RIMS2: variants seen among roughly 807,000 people sequenced by gnomAD.
The protein encoded by RIMS2 is regulating synaptic membrane exocytosis protein 2.
In RIMS2, 59 loss-of-function variants were observed where a neutral mutation model predicts 174.4. The observed-to-expected ratio is 0.34, with a 90% confidence interval of 0.27 to 0.42. The LOEUF is 0.42. Ranked by LOEUF, RIMS2 falls within the 10% of genes least tolerant of loss-of-function variation. The pLI is 1.00. For missense variants in RIMS2, 1,620 were observed against 1,666.3 expected (o/e 0.97, Z 0.48); for synonymous variants, 606 against 572.5 (o/e 1.06, Z -0.84).
At chr8:103,584,786 C>T (rs759050918) in intron 1 of RIMS2, among the ~76,000 whole-genome samples, 1 of 152,052 alleles carries the variant, frequency 6.6e-6, no homozygotes, top group African/African-American at 2.4e-5. Context: ...AGAAAATCAA[C>T]TTCACTGGAG....
intron 3 of RIMS2, among the ~76,000 whole-genome samples, chr8:103,864,087 T>A (rs569613916): frequency 1.1e-4 from 16 of 152,226 alleles, no homozygotes; most frequent in African/African-American, 3.6e-4. Flanking sequence ...TTTTGTGTTT[T>A]TAGTAAGGAT....
At position 103,774,722 on chromosome 8, in the gene RIMS2, T is replaced by C. The variant is rs77522701; in HGVS notation, c.698+8185T>C. On this transcript the variant is annotated intron_variant, in intron 3 of 23. Transcript: ENST00000504942. ...TATTTATATGAAGGTCAAGAAGAGA[T>C]AAAACAAATCTATAGAAAAGAAATC... 3.3e-5 allele frequency among the ~76,000 whole-genome samples: 5 copies of C among 152,258 alleles called. No individual in the cohort carries two copies. In the South Asian group the frequency reaches 8.3e-4, roughly 25 times the overall value.
intron 19 of RIMS2, among the ~76,000 whole-genome samples, chr8:104,131,670 A>G (rs1261838887): frequency 2.0e-5 from 3 of 151,974 alleles, no homozygotes; most frequent in African/African-American, 4.8e-5. Flanking sequence ...GCTAAAAACA[A>G]TATTTTAAAT....
At chr8:103,976,685 T>A (rs1287592255) in intron 16 of RIMS2, 1 of 152,146 alleles carries the variant, frequency 6.6e-6, no homozygotes, top group Non-Finnish European at 1.5e-5. Flanking sequence ...GTAGCTGGGA[T>A]TACAAGCGCA....
chr8:104,113,357 TTA>T (rs1343727564), intron 19 of RIMS2, among the ~76,000 whole-genome samples: 1 of 152,172 alleles, frequency 6.6e-6, no homozygotes, highest in Non-Finnish European at 1.5e-5. Context: ...GCCCTCTACC[TTA>T]TGAGGCAGTT....
intron 2 of RIMS2, among the ~76,000 whole-genome samples, chr8:103,711,164 G>T (rs1044017489): frequency 1.3e-5 from 2 of 152,108 alleles, no homozygotes; most frequent in African/African-American, 2.4e-5. Flanking sequence ...CAAAAGAAAG[G>T]TACATTCCTC....
At chr8:103,893,722 C>A (rs2154522201) in intron 4 of RIMS2, among the ~76,000 whole-genome samples, 1 of 152,078 alleles carries the variant, frequency 6.6e-6, no homozygotes, top group South Asian at 2.1e-4. Context: ...ACAGCCAACC[C>A]AGTCATTTAT....
chr8:104,159,687 G>A (rs2098749008), intron 19 of RIMS2, among the ~76,000 whole-genome samples: 1 of 152,148 alleles, frequency 6.6e-6, no homozygotes, highest in Admixed American at 6.5e-5. Flanking sequence ...GTGGTATTGA[G>A]CATCTTTTCA....
intron 1 of RIMS2, among the ~76,000 whole-genome samples, chr8:103,529,614 G>A (rs111722805): frequency 3.5e-4 from 54 of 152,244 alleles, no homozygotes; most frequent in African/African-American, 1.2e-3. Flanking sequence ...GCTCATGCTC[G>A]GTGCTCTGCA....
At chr8:103,827,891 A>T (rs1323706174) in intron 3 of RIMS2, among the ~76,000 whole-genome samples, 2 of 148,358 alleles carry the variant, frequency 1.3e-5, no homozygotes, top group Non-Finnish European at 3.0e-5. Flanking sequence ...GATAGAAGAC[A>T]CTCCATCTCA....
intron 3 of RIMS2, among the ~76,000 whole-genome samples, chr8:103,766,932 A>G (rs1211040201): frequency 2.0e-5 from 3 of 152,186 alleles, no homozygotes; most frequent in East Asian, 1.9e-4. Context: ...AAGGTTAACA[A>G]TATCTCCAAA....
chr8:103,819,923 G>T lies in RIMS2; in HGVS notation c.698+53386G>T, dbSNP rs749162638. Among the ~76,000 whole-genome samples the T allele has an allele frequency of 2.0e-5, 3 of 151,956 alleles. No homozygotes were observed. In the East Asian group the frequency reaches 5.8e-4, roughly 29 times the overall value. On this transcript the variant is annotated intron_variant, in intron 3 of 23. Coordinates refer to ENST00000504942, the Ensembl canonical transcript of RIMS2. The stretch of plus-strand genomic sequence containing the variant: ...TACATAAAATGACTTAAAAATGCCC[G>T]ATAGATGTTTTCTTTGTGATCATGG...
At chr8:103,502,969 T>C (rs182143082) in intron 1 of RIMS2, among the ~76,000 whole-genome samples, 1 of 152,122 alleles carries the variant, frequency 6.6e-6, no homozygotes, top group Admixed American at 6.5e-5. Flanking sequence ...TTCAGGTAGC[T>C]ACATATGTAT....
intron 13 of RIMS2, among the ~76,000 whole-genome samples, chr8:103,941,428 A>C (rs1419244725): frequency 6.6e-6 from 1 of 152,194 alleles, no homozygotes; most frequent in Non-Finnish European, 1.5e-5. Flanking sequence ...TTGAGGCTGC[A>C]GTTAGCTGTG....
chr8:103,789,749 C>CT (rs11354049), intron 3 of RIMS2, among the ~76,000 whole-genome samples: 910 of 85,074 alleles, frequency 0.011, 27 homozygotes, highest in South Asian at 0.014. Context: ...GGATTGTACT[C>CT]TTTTTTTTTT....
At chr8:104,148,799 C>T (rs550276581) in intron 19 of RIMS2, 11 of 1,598,392 alleles carry the variant, frequency 6.9e-6, no homozygotes, top group South Asian at 2.2e-5. Context: ...TGGTAGCTAT[C>T]GTTGGTCTGT....
chr8:103,885,587 C>G (rs1394014482), exon 4 of RIMS2: 32 of 1,612,678 alleles, frequency 2.0e-5, no homozygotes, highest in African/African-American at 2.7e-5. Flanking sequence ...GGAAGAGTAC[C>G]AGTCACGCTA....
rs544437188 is a variant in RIMS2, at chr8:104,182,186, T to C, written c.3335-62730T>C. On this transcript the variant is annotated intron_variant, in intron 19 of 23. Coordinates refer to ENST00000504942, the Ensembl canonical transcript of RIMS2. ...TTAGGAATATTTTCTTCTAATCCAT[T>C]AGCATGTTTTTATACAACGGGTTCT... 2.0e-5 allele frequency among the ~76,000 whole-genome samples: 3 copies of C among 151,962 alleles called. No homozygotes were observed. In the South Asian group the frequency reaches 6.2e-4, roughly 31 times the overall value.
intron 1 of RIMS2, among the ~76,000 whole-genome samples, chr8:103,607,012 A>T (rs1430101040): frequency 6.6e-6 from 1 of 151,334 alleles, no homozygotes; most frequent in South Asian, 2.1e-4. Context: ...TTTAAAGTTA[A>T]TATTGTTATG....
Sources: allele counts gnomAD v4.1 joint callset (sites outside exome capture counted in the v4.1 genomes callset), GRCh38; gene constraint gnomAD v4.1.1; transcripts MANE v1.5; gene names NCBI Gene and HGNC (gene_info 2026-07-23, HGNC 2026-07-21).